The following SLC5A4 variants were observed in gnomAD, a reference collection of about 807,000 sequenced individuals.
The protein encoded by SLC5A4 is solute carrier family 5 member 4.
SLC5A4 carries 55 observed loss-of-function variants against 70.3 expected under a neutral mutation model. The ratio of observed to expected loss-of-function variants is 0.78; its 90% CI spans 0.63 to 0.98. The LOEUF (loss-of-function observed/expected upper bound fraction) is 0.98. Ranked by LOEUF, SLC5A4 falls within the 50% of genes least tolerant of loss-of-function variation. The pLI is 0.00. For synonymous variants in SLC5A4, 268 were observed against 305.7 expected, an observed-to-expected ratio of 0.88 and a Z score of 1.29; for missense variants, 735 against 839.2, an observed-to-expected ratio of 0.88 and a Z score of 1.53.
chr22:32,326,291 T>G, the SLC5A4 span, among the ~76,000 whole-genome samples: 2 of 145,698 alleles, frequency 1.4e-5, no homozygotes, highest in East Asian at 2.0e-4. Flanking sequence ...TTTTTTGAGA[T>G]GGAGTCTCTG....
Position 32,239,079 on chromosome 22 carries a change from A to G in SLC5A4, c.489T>C (p.Phe163=). 1 of 1,613,466 alleles carries G rather than the reference A, an allele frequency of 6.2e-7. No individual in the cohort carries two copies. Among genetic ancestry groups the G allele is most frequent in the South Asian group, 1.1e-5 (1 of 91,056 alleles). Reference sequence around the variant, plus strand: ...CCAGCTTGATGAATATGGCTCCAGCAAATATGTCTGCCTAAAAAGGGAACA... The same window carrying G: ...CCAGCTTGATGAATATGGCTCCAGCGAATATGTCTGCCTAAAAAGGGAACA... ...CVVLLISADI[F]AGAIFIKLAL... Residue 163 remains phenylalanine (F), a synonymous_variant, in exon 6 of 15, where the codon TTT becomes TTC. Coordinates refer to ENST00000266086, the MANE Select transcript of SLC5A4 (RefSeq NM_014227.3).
At chr22:32,245,678 G>A (rs190027724) in intron 5 of SLC5A4, among the ~76,000 whole-genome samples, 1 of 152,226 alleles carries the variant, frequency 6.6e-6, no homozygotes, top group East Asian at 1.9e-4. Context: ...ATGCCACAAT[G>A]CCCAGCTAAT....
At chr22:32,323,022 C>T in the SLC5A4 span, among the ~76,000 whole-genome samples, 1 of 152,334 alleles carries the variant, frequency 6.6e-6, no homozygotes, top group South Asian at 2.1e-4. Flanking sequence ...TTTACCTCCT[C>T]TCCACCAGGC....
the SLC5A4 span, among the ~76,000 whole-genome samples, chr22:32,279,888 G>A: frequency 6.6e-6 from 1 of 152,146 alleles, no homozygotes; most frequent in African/African-American, 2.4e-5. Flanking sequence ...ACCTAGAGTC[G>A]GTGGGGGTGG....
At chr22:32,309,873 G>A in the SLC5A4 span, among the ~76,000 whole-genome samples, 1 of 151,820 alleles carries the variant, frequency 6.6e-6, no homozygotes. Context: ...ACCTGCCTTT[G>A]CTGCAAGCTA....
chr22:32,354,592 C>T, the SLC5A4 span, among the ~76,000 whole-genome samples: 1 of 152,102 alleles, frequency 6.6e-6, no homozygotes, highest in East Asian at 1.9e-4. Context: ...CCAGATAGTG[C>T]CCCCAGAACT....
the SLC5A4 span, among the ~76,000 whole-genome samples, chr22:32,324,177 A>C: frequency 1.3e-5 from 2 of 149,336 alleles, no homozygotes; most frequent in African/African-American, 4.9e-5. Context: ...GCCAGTGGTG[A>C]AAATGTGGTG....
chr22:32,309,941 G>A, the SLC5A4 span, among the ~76,000 whole-genome samples: 1 of 151,772 alleles, frequency 6.6e-6, no homozygotes, highest in Non-Finnish European at 1.5e-5. Flanking sequence ...CCTTGCCACA[G>A]AATGTTCCAG....
the SLC5A4 span, among the ~76,000 whole-genome samples, chr22:32,277,741 C>T: frequency 1.3e-5 from 2 of 151,958 alleles, no homozygotes; most frequent in African/African-American, 2.4e-5. Flanking sequence ...GTAGAGATGG[C>T]GTTTCACCGT....
intron 13 of SLC5A4, among the ~76,000 whole-genome samples, chr22:32,223,350 A>G (rs541858948): frequency 6.6e-6 from 1 of 152,340 alleles, no homozygotes; most frequent in Non-Finnish European, 1.5e-5. Flanking sequence ...GTATTTATCC[A>G]TAAATACTAC....
At chr22:32,235,801 A>G (rs1926024159) in intron 7 of SLC5A4, among the ~76,000 whole-genome samples, 1 of 152,176 alleles carries the variant, frequency 6.6e-6, no homozygotes, top group African/African-American at 2.4e-5. Context: ...TCAGGGTATT[A>G]TACAATTGTA....
the SLC5A4 span, among the ~76,000 whole-genome samples, chr22:32,264,127 C>T: frequency 4.6e-5 from 7 of 151,260 alleles, no homozygotes; most frequent in East Asian, 1.9e-4. Flanking sequence ...CCATGGCACG[C>T]GTATACGTAT....
the SLC5A4 span, among the ~76,000 whole-genome samples, chr22:32,316,934 CTGTGTGTG>C: frequency 2.4e-4 from 36 of 148,728 alleles, no homozygotes; most frequent in South Asian, 8.6e-4. Flanking sequence ...ATTAACAACT[CTGTGTGTG>C]TGTGTGTGTG....
the SLC5A4 span, among the ~76,000 whole-genome samples, chr22:32,262,853 T>G: frequency 3.3e-5 from 5 of 151,334 alleles, no homozygotes; most frequent in Non-Finnish European, 5.9e-5. Flanking sequence ...CACTGCAAGC[T>G]CTGACTCCCA....
At chr22:32,264,987 T>C in the SLC5A4 span, among the ~76,000 whole-genome samples, 1 of 152,238 alleles carries the variant, frequency 6.6e-6, no homozygotes, top group African/African-American at 2.4e-5. Flanking sequence ...ATAATTGTAG[T>C]CTCTTTCTTA....
At chr22:32,302,489 G>C in the SLC5A4 span, among the ~76,000 whole-genome samples, 34 of 152,094 alleles carry the variant, frequency 2.2e-4, no homozygotes, top group Non-Finnish European at 3.8e-4. Context: ...TTTTTACTTA[G>C]TATGTAAGAC....
At chr22:32,354,589 G>T in the SLC5A4 span, among the ~76,000 whole-genome samples, 1 of 151,948 alleles carries the variant, frequency 6.6e-6, no homozygotes, top group African/African-American at 2.4e-5. Context: ...TCCCCAGATA[G>T]TGCCCCCAGA....
chr22:32,329,767 G>GGGCTCTGGTGTGTGTGTTGGA, the SLC5A4 span, among the ~76,000 whole-genome samples: 3 of 80,164 alleles, frequency 3.7e-5, no homozygotes, highest in African/African-American at 6.8e-5. Context: ...TGTGTGTTGG[G>GGGCTCTGGTGTGTGTGTTGGA]GGCTCTGGTG....
At chr22:32,326,927 A>C in the SLC5A4 span, among the ~76,000 whole-genome samples, 1 of 152,140 alleles carries the variant, frequency 6.6e-6, no homozygotes, top group Non-Finnish European at 1.5e-5. Flanking sequence ...TGCCTCTGGG[A>C]ACTGGAGCAG....
Sources: gnomAD v4.1 joint callset for allele counts (sites outside exome capture counted in the v4.1 genomes callset) on GRCh38, gnomAD v4.1.1 for gene constraint, MANE v1.5 for transcripts, NCBI Gene and HGNC (gene_info 2026-07-23, HGNC 2026-07-21) for gene names.